Variants in EXT1 observed in about 807,000 individuals in gnomAD.
The protein encoded by EXT1 is exostosin-1.
In EXT1, 20 loss-of-function variants were observed where a neutral mutation model predicts 82.5. The ratio of observed to expected loss-of-function variants is 0.24; its 90% CI spans 0.17 to 0.35. The LOEUF is 0.35. Among genes scored for constraint, EXT1 ranks in the 10% least tolerant of loss-of-function variants. EXT1 has a pLI of 1.00. For missense variants in EXT1, 757 were observed against 936.5 expected, an observed-to-expected ratio of 0.81 and a Z score of 2.50; for synonymous variants, 348 against 350.8, an observed-to-expected ratio of 0.99 and a Z score of 0.09.
chr8:118,072,167 C>T (rs768023815), intron 1 of EXT1, among the ~76,000 whole-genome samples: 3 of 152,162 alleles, frequency 2.0e-5, no homozygotes, highest in Admixed American at 6.5e-5. Flanking sequence ...CAGAGGTACA[C>T]GGTGAGCATG....
rs112811296 is a variant in EXT1 at position 118,062,968 on chromosome 8, C to T, written c.962+47117G>A. Reference sequence around the variant, plus strand: ...AACTCAAAATAATATGGATGCTCAGCTTTCTGGAACATTAAGGGTGCAAAT... The same window carrying T: ...AACTCAAAATAATATGGATGCTCAGTTTTCTGGAACATTAAGGGTGCAAAT... On this transcript the variant is annotated intron_variant, in intron 1 of 10. Transcript: ENST00000378204. 3.7e-4 allele frequency among the ~76,000 whole-genome samples: 56 copies of T among 152,310 alleles called. 1 individual carries two copies. Among genetic ancestry groups the T allele is most frequent in the South Asian group, 2.3e-3 (11 of 4,818 alleles).
At chr8:117,995,512 G>A (rs1324159020) in intron 1 of EXT1, among the ~76,000 whole-genome samples, 1 of 152,068 alleles carries the variant, frequency 6.6e-6, no homozygotes, top group Non-Finnish European at 1.5e-5. Context: ...AATGAAGGAC[G>A]TGGTTGGCAG....
intron 1 of EXT1, among the ~76,000 whole-genome samples, chr8:118,001,299 G>A (rs542942452): frequency 6.6e-6 from 1 of 152,088 alleles, no homozygotes; most frequent in Non-Finnish European, 1.5e-5. Flanking sequence ...CAATTCTCGT[G>A]CCTCAGCCTC....
chr8:117,864,487 C>T (rs1373584243), intron 1 of EXT1, among the ~76,000 whole-genome samples: 4 of 152,208 alleles, frequency 2.6e-5, no homozygotes, highest in African/African-American at 9.7e-5. Context: ...CAGTGGCTCA[C>T]GCCTGTAATC....
At chr8:117,943,303 A>T (rs1306643236) in intron 1 of EXT1, among the ~76,000 whole-genome samples, 1 of 152,222 alleles carries the variant, frequency 6.6e-6, no homozygotes, top group Non-Finnish European at 1.5e-5. Flanking sequence ...GTGGAAGGCA[A>T]TTTGACAATT....
At position 117,837,175 on chromosome 8, in the gene EXT1, T is replaced by C; in HGVS notation, c.989A>G (p.Asn330Ser). The change falls in exon 2 of 11, where the codon AAT (asparagine) becomes AGT (serine). Residue 330 changes from asparagine (N) to serine (S), a missense_variant. By Grantham distance (46) the Asn-to-Ser change is conservative (BLOSUM62 1). Around this residue, in one of 4 missense-constraint regions of EXT1, gnomAD observed 247 missense variants for 330.1 expected, o/e 0.75. Transcript: ENST00000378204. ...EKYDYREMLH[N>S]ATFCLVPRGR... is the part of the protein sequence containing the mutation. ...ACGAGGAACCAGACAGAAAGTGGCA[T>C]TGTGCAGCATTTCCCGATAATCATA... is the stretch of plus-strand genomic sequence containing the variant. 2 of 1,613,778 alleles carry C rather than the reference T, an allele frequency of 1.2e-6. No homozygotes were observed. Among genetic ancestry groups the C allele is most frequent in the Non-Finnish European group, 1.7e-6 (2 of 1,179,824 alleles).
At chr8:118,079,347 T>G (rs17431764) in intron 1 of EXT1, among the ~76,000 whole-genome samples, 2,418 of 152,328 alleles carry the variant, frequency 0.016, 39 homozygotes, top group Non-Finnish European at 0.024. Flanking sequence ...ATGAAGAGTA[T>G]TAATTACTCG....
chr8:118,103,313 A>AT (rs576679741), intron 1 of EXT1, among the ~76,000 whole-genome samples: 35 of 151,960 alleles, frequency 2.3e-4, no homozygotes, highest in Admixed American at 1.4e-3. Flanking sequence ...TGCCCAGCTA[A>AT]TTTTTTTATC....
intron 1 of EXT1, among the ~76,000 whole-genome samples, chr8:117,915,075 G>A (rs1813721570): frequency 1.3e-5 from 2 of 152,120 alleles, no homozygotes; most frequent in Non-Finnish European, 2.9e-5. Context: ...CTACCAATAT[G>A]TGATGTCACC....
At chr8:117,968,513 C>T (rs1306484329) in intron 1 of EXT1, among the ~76,000 whole-genome samples, 2 of 149,722 alleles carry the variant, frequency 1.3e-5, no homozygotes, top group African/African-American at 4.9e-5. Context: ...TAATTAAATA[C>T]TACTTATTCT....
At chr8:117,895,556 C>T (rs1439594363) in intron 1 of EXT1, among the ~76,000 whole-genome samples, 1 of 152,030 alleles carries the variant, frequency 6.6e-6, no homozygotes, top group Non-Finnish European at 1.5e-5. Context: ...TCATTAAGAC[C>T]CATCCAGGTC....
intron 1 of EXT1, among the ~76,000 whole-genome samples, chr8:118,075,715 G>A (rs1018612681): frequency 2.0e-5 from 3 of 152,240 alleles, no homozygotes; most frequent in Non-Finnish European, 2.9e-5. Context: ...GCATCTGCTC[G>A]GGTTCTCCTG....
chr8:117,906,607 C>T (rs573144509), intron 1 of EXT1, among the ~76,000 whole-genome samples: 1 of 152,284 alleles, frequency 6.6e-6, no homozygotes, highest in Admixed American at 6.5e-5. Flanking sequence ...GCAATGTTTC[C>T]TACGAAATTC....
At chr8:118,037,677 T>C (rs1319234313) in intron 1 of EXT1, among the ~76,000 whole-genome samples, 1 of 152,122 alleles carries the variant, frequency 6.6e-6, no homozygotes, top group East Asian at 1.9e-4. Context: ...CAAAATCAAA[T>C]ATAAAGTTCT....
chr8:118,098,032 G>A (rs1817651740), intron 1 of EXT1, among the ~76,000 whole-genome samples: 1 of 152,020 alleles, frequency 6.6e-6, no homozygotes, highest in Non-Finnish European at 1.5e-5. Flanking sequence ...GAGGAGGAGT[G>A]TGGCTCTGCC....
intron 1 of EXT1, among the ~76,000 whole-genome samples, chr8:118,065,732 G>C (rs1816973594): frequency 2.0e-5 from 3 of 152,178 alleles, no homozygotes. Flanking sequence ...CCAAAAACAA[G>C]CTTTTAAAAG....
At chr8:117,877,124 T>C (rs1443186669) in intron 1 of EXT1, among the ~76,000 whole-genome samples, 2 of 152,198 alleles carry the variant, frequency 1.3e-5, no homozygotes, top group Non-Finnish European at 2.9e-5. Context: ...TGACAGAGTA[T>C]CTTTTGCACG....
rs60354141 is a variant in EXT1 at position 118,002,528 on chromosome 8, C to CTTTTTTT, written c.962+107550_962+107556dup. 5.4e-4 allele frequency among the ~76,000 whole-genome samples: 47 copies of CTTTTTTT among 87,090 alleles called. 2 individuals are homozygous for CTTTTTTT. The highest frequency in any genetic ancestry group is 1.7e-3 in the African/African-American group (36 of 21,232). 57.1% of individuals were successfully genotyped at this position (87,090 alleles called of 152,430 possible). A position where few individuals can be genotyped will look rare whatever the true frequency, so the allele number is the denominator to read the frequency against. ...TATGGAAAACAGTGTGAATATTTTTCTTTTTTTTTTTTTTTTTTTTTGAGA... is the reference window on the plus strand; with the variant it reads ...TATGGAAAACAGTGTGAATATTTTTCTTTTTTTTTTTTTTTTTTTTTTTTTTTTGAGA... On this transcript the variant is annotated intron_variant, in intron 1 of 10. Transcript: ENST00000378204.
chr8:118,091,081 G>A lies in EXT1; in HGVS notation c.962+19004C>T, dbSNP rs1191576249. 2.0e-5 allele frequency among the ~76,000 whole-genome samples: 3 copies of A among 152,186 alleles called. 1 individual carries two copies. The highest frequency in any genetic ancestry group is 4.8e-5 in the African/African-American group (2 of 41,532). ...TATTAGGAAGTTGCTAGAGAGTTCC[G>A]CTACAATTCTCTTCAATGAGTTCAC... On this transcript the variant is annotated intron_variant, in intron 1 of 10. Coordinates refer to ENST00000378204, the MANE Select transcript of EXT1 (RefSeq NM_000127.3).
Sources: allele counts gnomAD v4.1 joint callset (sites outside exome capture counted in the v4.1 genomes callset), GRCh38; gene constraint gnomAD v4.1.1; regional missense constraint gnomAD v4.1.1; transcripts MANE v1.5; gene names NCBI Gene and HGNC (gene_info 2026-07-23, HGNC 2026-07-21).